MMP26: variants seen among roughly 807,000 people sequenced by gnomAD.
The protein encoded by MMP26 is matrix metallopeptidase 26.
In MMP26, 33 loss-of-function variants were observed where a neutral mutation model predicts 31.0. The observed-to-expected ratio is 1.06, with a 90% CI of 0.81 to 1.42. MMP26 has a LOEUF of 1.42. MMP26 is among the 40% of genes most tolerant of loss of function. The probability of loss-of-function intolerance (pLI) is 0.00; values close to 1 mark genes in which losing one functional copy is unlikely to be tolerated. For synonymous variants in MMP26, 122 were observed against 114.9 expected, an observed-to-expected ratio of 1.06 and a Z score of -0.40; for missense variants, 347 against 316.1, an observed-to-expected ratio of 1.10 and a Z score of -0.74.
chr11:4,971,741 A>G (rs1425782002), intron 2 of MMP26, among the ~76,000 whole-genome samples: 2 of 152,204 alleles, frequency 1.3e-5, no homozygotes, highest in Non-Finnish European at 2.9e-5. Flanking sequence ...CAGACTGTAC[A>G]AGAAACATGA....
intron 2 of MMP26, among the ~76,000 whole-genome samples, chr11:4,872,977 G>C (rs778645448): frequency 6.6e-6 from 1 of 152,076 alleles, no homozygotes; most frequent in Non-Finnish European, 1.5e-5. Flanking sequence ...GTACACTCAT[G>C]TGTCTCATCT....
chr11:4,716,369 C>T (rs1026817745), intron 1 of MMP26, among the ~76,000 whole-genome samples: 1 of 151,984 alleles, frequency 6.6e-6, no homozygotes, highest in African/African-American at 2.4e-5. Context: ...ACAACTAATG[C>T]AACAAAGAAT....
intron 2 of MMP26, among the ~76,000 whole-genome samples, chr11:4,986,266 A>G (rs1342947086): frequency 6.6e-6 from 1 of 152,152 alleles, no homozygotes; most frequent in Non-Finnish European, 1.5e-5. Flanking sequence ...AAAACACAGA[A>G]TTGCCTTATA....
chr11:4,992,201 T>TTC lies in MMP26; in HGVS notation c.758-13_758-12insTC. 6.2e-7 allele frequency: 1 copy of TTC among 1,611,614 alleles called. No individual in the cohort carries two copies. The highest frequency in any genetic ancestry group is 8.5e-7 in the Non-Finnish European group (1 of 1,179,194). On this transcript the variant is annotated splice_polypyrimidine_tract_variant and intron_variant, in intron 7 of 7. Coordinates refer to ENST00000380390, the MANE Select transcript of MMP26 (RefSeq NM_021801.5). ...CTGAAATTTACTGTTGTTTTTTTTT[T>TTC]CTGTTTCCATAGGAGAAAAATGTTC...
At chr11:4,848,288 T>C in intron 2 of MMP26, 2 of 1,613,882 alleles carry the variant, frequency 1.2e-6, no homozygotes, top group South Asian at 1.1e-5. Flanking sequence ...GTATTCTCTT[T>C]CTAATCTCCT....
rs71050433 is a variant in MMP26 at position 4,819,566 on chromosome 11, A to ATTTTTTT, written c.-145+52249_-145+52255dup. On this transcript the variant is annotated intron_variant, in intron 2 of 7. Coordinates refer to ENST00000380390, the MANE Select transcript of MMP26 (RefSeq NM_021801.5). ...GATGGTCACTGAAATGAGTCGACTG[A>ATTTTTTT]TTTTTTTTTTTTTTTTTTTTTTTTT... Among the ~76,000 whole-genome samples, 145 of 50,300 alleles carry ATTTTTTT rather than the reference A, an allele frequency of 2.9e-3. 11 individuals are homozygous for ATTTTTTT. The highest frequency in any genetic ancestry group is 6.0e-3 in the African/African-American group (68 of 11,402). 33.0% of individuals were successfully genotyped at this position (50,300 alleles called of 152,430 possible).
At chr11:4,804,525 A>T (rs771265854) in intron 2 of MMP26, 8 of 787,532 alleles carry the variant, frequency 1.0e-5, no homozygotes, top group Non-Finnish European at 1.9e-5. Flanking sequence ...AAACTAGAAT[A>T]ATTTCAACTG....
intron 1 of MMP26, among the ~76,000 whole-genome samples, chr11:4,757,595 C>T (rs538180373): frequency 1.3e-5 from 2 of 149,142 alleles, no homozygotes; most frequent in African/African-American, 4.8e-5. Context: ...ATGTAAAGAA[C>T]TCAATAAAGA....
chr11:4,843,974 TAAAAC>T (rs1453208773), intron 2 of MMP26, among the ~76,000 whole-genome samples: 2 of 152,012 alleles, frequency 1.3e-5, no homozygotes, highest in Admixed American at 1.3e-4. Flanking sequence ...AAATGATCAA[TAAAAC>T]AAAAAGGTTT....
At chr11:4,720,455 G>A (rs972767030) in intron 1 of MMP26, among the ~76,000 whole-genome samples, 4 of 152,108 alleles carry the variant, frequency 2.6e-5, no homozygotes, top group Admixed American at 2.0e-4. Flanking sequence ...TATGCTATTC[G>A]GGTCTAGATT....
chr11:4,722,278 A>T (rs1848022908), intron 1 of MMP26, among the ~76,000 whole-genome samples: 1 of 152,078 alleles, frequency 6.6e-6, no homozygotes, highest in Non-Finnish European at 1.5e-5. Context: ...GGCATCTCTC[A>T]CTTTAAATTA....
At chr11:4,914,732 G>C in intron 2 of MMP26, 1 of 1,610,562 alleles carries the variant, frequency 6.2e-7, no homozygotes, top group Non-Finnish European at 8.5e-7. Flanking sequence ...GTAACAAAAG[G>C]CATGCGTCAC....
chr11:4,913,442 C>T (rs963406714), intron 2 of MMP26: 4 of 152,160 alleles, frequency 2.6e-5, no homozygotes, highest in African/African-American at 7.2e-5. Context: ...TCTAGGTGTT[C>T]GAAGCTCCCC....
chr11:4,933,037 T>C (rs545982308), intron 2 of MMP26, among the ~76,000 whole-genome samples: 4 of 152,154 alleles, frequency 2.6e-5, no homozygotes, highest in African/African-American at 4.8e-5. Flanking sequence ...TTCTCTACGA[T>C]GTTAAATTGT....
At chr11:4,932,985 TAAAAC>T (rs1210134127) in intron 2 of MMP26, among the ~76,000 whole-genome samples, 7 of 152,274 alleles carry the variant, frequency 4.6e-5, no homozygotes, top group South Asian at 4.1e-4. Flanking sequence ...TGGACACAGA[TAAAAC>T]AAACAATGAC....
intron 1 of MMP26, among the ~76,000 whole-genome samples, chr11:4,730,186 T>A (rs1233415355): frequency 1.3e-5 from 2 of 152,128 alleles, no homozygotes; most frequent in Non-Finnish European, 2.9e-5. Flanking sequence ...GCCTTTACTA[T>A]TAGATATGGG....
intron 1 of MMP26, among the ~76,000 whole-genome samples, chr11:4,708,211 G>A (rs1004508383): frequency 6.6e-6 from 1 of 152,106 alleles, no homozygotes; most frequent in Non-Finnish European, 1.5e-5. Flanking sequence ...GGCTTGACTC[G>A]AAGATCCATA....
chr11:4,807,603 AC>A (rs201302326), intron 2 of MMP26, among the ~76,000 whole-genome samples: 9,178 of 87,592 alleles, frequency 0.1, 619 homozygotes, highest in African/African-American at 0.25. Flanking sequence ...AACATCACAC[AC>A]TGGGGGCCTG....
intron 1 of MMP26, chr11:4,711,253 AAT>A (rs1285650730): frequency 7.2e-5 from 11 of 152,224 alleles, no homozygotes; most frequent in African/African-American, 2.7e-4. Flanking sequence ...TACTGATACA[AAT>A]ATAAATTACA....
Sources: allele counts gnomAD v4.1 joint callset (sites outside exome capture counted in the v4.1 genomes callset), GRCh38; gene constraint gnomAD v4.1.1; transcripts MANE v1.5; gene names NCBI Gene and HGNC (gene_info 2026-07-23, HGNC 2026-07-21).